The following LTBP1 variants were observed in gnomAD, a reference collection of about 807,000 sequenced individuals.
The protein encoded by LTBP1 is latent transforming growth factor beta binding protein 1.
A neutral mutation model predicts 207.6 loss-of-function variants in LTBP1; 129 were observed. That is an observed-to-expected ratio of 0.62 (90% confidence interval 0.54 to 0.72). LTBP1 has a LOEUF of 0.72. LTBP1 is among the 30% of genes least tolerant of loss of function. The probability of loss-of-function intolerance (pLI) is 0.00; values close to 1 mark genes in which losing one functional copy is unlikely to be tolerated. For missense variants in LTBP1, 2,281 were observed against 2,217.2 expected, an observed-to-expected ratio of 1.03 and a Z score of -0.58; for synonymous variants, 963 against 833.7, an observed-to-expected ratio of 1.16 and a Z score of -2.67.
At chr2:33,359,788 A>G (rs577419068) in intron 26 of LTBP1, among the ~76,000 whole-genome samples, 1 of 152,350 alleles carries the variant, frequency 6.6e-6, no homozygotes, top group Non-Finnish European at 1.5e-5. Flanking sequence ...CATTTTTTAA[A>G]AGCACAGACT....
chr2:33,025,029 A>G (rs1234027540), intron 3 of LTBP1, among the ~76,000 whole-genome samples: 2 of 152,120 alleles, frequency 1.3e-5, no homozygotes, highest in African/African-American at 2.4e-5. Context: ...CTTCCTCTCT[A>G]TGTGGACCTC....
intron 3 of LTBP1, among the ~76,000 whole-genome samples, chr2:33,040,220 G>T (rs572374193): frequency 2.6e-5 from 4 of 152,152 alleles, no homozygotes; most frequent in Non-Finnish European, 4.4e-5. Context: ...GGAGAGGGCT[G>T]CTCAGAGAGA....
chr2:33,091,690 A>G (rs995470775), intron 3 of LTBP1, among the ~76,000 whole-genome samples: 1 of 152,124 alleles, frequency 6.6e-6, no homozygotes, highest in African/African-American at 2.4e-5. Context: ...AATCCCCTGT[A>G]CTTGGTGCCG....
chr2:33,298,640 A>G (rs573663234), intron 20 of LTBP1, among the ~76,000 whole-genome samples: 1 of 152,366 alleles, frequency 6.6e-6, no homozygotes, highest in South Asian at 2.1e-4. Context: ...AGAGACTTAC[A>G]GTGTTTGAAA....
intron 7 of LTBP1, among the ~76,000 whole-genome samples, chr2:33,190,394 C>G (rs1284031701): frequency 6.6e-6 from 1 of 152,166 alleles, no homozygotes; most frequent in Non-Finnish European, 1.5e-5. Flanking sequence ...CTAATTGTCA[C>G]TGCTTTAGAA....
intron 10 of LTBP1, 109 bp from the exon 11 acceptor site, chr2:33,252,568 C>G: frequency 1.0e-6 from 1 of 989,676 alleles, no homozygotes; most frequent in Admixed American, 2.4e-5. Flanking sequence ...CAGATTTATC[C>G]TGAAGTGTGG....
At chr2:32,982,327 C>T (rs1348128460) in intron 2 of LTBP1, among the ~76,000 whole-genome samples, 1 of 152,104 alleles carries the variant, frequency 6.6e-6, no homozygotes, top group African/African-American at 2.4e-5. Flanking sequence ...GAAGAAACTT[C>T]TAAGTGGCAA....
At chr2:33,195,916 A>C (rs1454174113) in intron 7 of LTBP1, among the ~76,000 whole-genome samples, 1 of 152,190 alleles carries the variant, frequency 6.6e-6, no homozygotes, top group African/African-American at 2.4e-5. Context: ...GACAGTCATC[A>C]ACATCAAGGC....
intron 31 of LTBP1, among the ~76,000 whole-genome samples, chr2:33,378,257 G>A (rs886732226): frequency 2.1e-5 from 3 of 142,080 alleles, no homozygotes; most frequent in African/African-American, 5.2e-5. Context: ...ACAGAGTCTC[G>A]CTCTGTTGCC....
intron 26 of LTBP1, among the ~76,000 whole-genome samples, chr2:33,348,384 G>C (rs1021361080): frequency 2.0e-5 from 3 of 152,068 alleles, no homozygotes; most frequent in Non-Finnish European, 2.9e-5. Flanking sequence ...AAAGGTGAAG[G>C]GTATAGAATT....
At chr2:33,200,101 T>G (rs1483555281) in intron 7 of LTBP1, among the ~76,000 whole-genome samples, 2 of 152,170 alleles carry the variant, frequency 1.3e-5, no homozygotes, top group African/African-American at 4.8e-5. Context: ...CCAATGACTT[T>G]CTTCACAGAA....
chr2:33,305,002 T>G (rs1364268981), intron 22 of LTBP1, among the ~76,000 whole-genome samples: 1 of 152,110 alleles, frequency 6.6e-6, no homozygotes, highest in Non-Finnish European at 1.5e-5. Flanking sequence ...TACATTGTAG[T>G]GTGGGAGATA....
chr2:33,330,972 T>A (rs2094486813), intron 24 of LTBP1, among the ~76,000 whole-genome samples: 1 of 151,960 alleles, frequency 6.6e-6, no homozygotes, highest in Non-Finnish European at 1.5e-5. Flanking sequence ...TTCAGGCTTT[T>A]GACTTTTCAT....
chr2:33,214,009 A>G (rs2090504058), intron 7 of LTBP1, among the ~76,000 whole-genome samples: 1 of 152,230 alleles, frequency 6.6e-6, no homozygotes, highest in Admixed American at 6.5e-5. Flanking sequence ...AAAACATTCT[A>G]GGAATCCAAG....
At position 33,215,240 on chromosome 2, in the gene LTBP1, A is replaced by G. The variant is rs1334321801; in HGVS notation, c.1702-2312A>G. 3.3e-5 allele frequency among the ~76,000 whole-genome samples: 5 copies of G among 152,128 alleles called. No homozygotes were observed. In the East Asian group the frequency reaches 9.6e-4, roughly 29 times the overall value. ...ACATGCCTTTTTTCTTTCATGTTTC[A>G]TGACCCTAGGAGAAAGATACTATTA... On this transcript the variant is annotated intron_variant, in intron 7 of 33. Coordinates refer to ENST00000404816, the MANE Select transcript of LTBP1 (RefSeq NM_206943.4).
At chr2:33,194,204 C>T (rs1489866445) in intron 7 of LTBP1, among the ~76,000 whole-genome samples, 1 of 152,024 alleles carries the variant, frequency 6.6e-6, no homozygotes, top group Non-Finnish European at 1.5e-5. Flanking sequence ...CCAGGGTGGT[C>T]TCGATCTCCT....
chr2:33,190,166 C>T lies in LTBP1; in HGVS notation c.1701+1315C>T, dbSNP rs183808454. On this transcript the variant is annotated intron_variant, in intron 7 of 33. Coordinates refer to ENST00000404816, the MANE Select transcript of LTBP1 (RefSeq NM_206943.4). ...AAAACTCATCATTGAATGTGCATAG[C>T]GAAGACAACCTAAAAGCGTTGGTTC... Among the ~76,000 whole-genome samples, 34 of 152,208 alleles carry T rather than the reference C, an allele frequency of 2.2e-4. No homozygotes were observed. The East Asian group carries it at 2.7e-3, about 12-fold the overall frequency.
At chr2:33,031,215 T>A (rs952892656) in intron 3 of LTBP1, among the ~76,000 whole-genome samples, 8 of 152,204 alleles carry the variant, frequency 5.3e-5, no homozygotes, top group African/African-American at 1.9e-4. Flanking sequence ...TATTTCAGAA[T>A]TCTTTGGTCT....
chr2:32,986,431 C>T (rs1045748651), intron 2 of LTBP1, among the ~76,000 whole-genome samples: 2 of 152,116 alleles, frequency 1.3e-5, no homozygotes, highest in Non-Finnish European at 2.9e-5. Context: ...TGTTTATTGG[C>T]AGGTAACTGG....
Sources: gnomAD v4.1 joint callset for allele counts (sites outside exome capture counted in the v4.1 genomes callset) on GRCh38, gnomAD v4.1.1 for gene constraint, MANE v1.5 for transcripts, NCBI Gene and HGNC (gene_info 2026-07-23, HGNC 2026-07-21) for gene names.